KIF13A: variants seen among roughly 807,000 people sequenced by gnomAD.
The protein encoded by KIF13A is kinesin family member 13A.
KIF13A carries 79 observed loss-of-function variants against 212.2 expected under a neutral mutation model. That is an observed-to-expected ratio of 0.37 (90% CI 0.31 to 0.45). The LOEUF is 0.45. Among genes scored for constraint, KIF13A ranks in the 20% least tolerant of loss-of-function variants. The pLI, the probability that KIF13A is intolerant of heterozygous loss-of-function variation, is 1.00. For missense variants in KIF13A, 1,901 were observed against 2,209.0 expected, an observed-to-expected ratio of 0.86 and a Z score of 2.79; for synonymous variants, 789 against 808.6, an observed-to-expected ratio of 0.98 and a Z score of 0.41.
chr6:17,944,985 C>G (rs1013851650), intron 2 of KIF13A, among the ~76,000 whole-genome samples: 7 of 152,142 alleles, frequency 4.6e-5, no homozygotes, highest in Admixed American at 4.6e-4. Context: ...AAAATGACCA[C>G]TTCTAGGTTG....
intron 2 of KIF13A, among the ~76,000 whole-genome samples, chr6:17,977,813 A>G (rs1780719202): frequency 6.6e-6 from 1 of 152,226 alleles, no homozygotes; most frequent in Non-Finnish European, 1.5e-5. Context: ...TTAACTCGTC[A>G]TTTACATTAG....
chr6:17,981,533 CCT>C (rs1781092174), intron 2 of KIF13A, among the ~76,000 whole-genome samples: 1 of 151,514 alleles, frequency 6.6e-6, no homozygotes, highest in Non-Finnish European at 1.5e-5. Flanking sequence ...CAAGCATTCC[CCT>C]GCCTCAGCCT....
At chr6:17,896,953 C>G (rs1156278427) in intron 3 of KIF13A, among the ~76,000 whole-genome samples, 3 of 152,128 alleles carry the variant, frequency 2.0e-5, no homozygotes, top group African/African-American at 7.2e-5. Flanking sequence ...CCAGTAGAGA[C>G]CAGTTTTAGG....
intron 2 of KIF13A, among the ~76,000 whole-genome samples, chr6:17,946,985 T>C (rs1038401346): frequency 1.3e-5 from 2 of 152,202 alleles, no homozygotes; most frequent in African/African-American, 2.4e-5. Flanking sequence ...ACACTTAAAA[T>C]GGGTGAATTT....
At position 17,951,972 on chromosome 6, in the gene KIF13A, A is replaced by T. The variant is rs1777883893; in HGVS notation, c.146+35082T>A. Among the ~76,000 whole-genome samples, 1 of 152,182 alleles carries T rather than the reference A, an allele frequency of 6.6e-6. No individual in the cohort carries two copies. Among genetic ancestry groups the T allele is most frequent in the African/African-American group, 2.4e-5 (1 of 41,444 alleles). On this transcript the variant is annotated intron_variant, in intron 2 of 38. Transcript: ENST00000259711. The surrounding 1 kb of genome is among the most constrained non-coding windows in gnomAD (Gnocchi z 4.9). ...AAGCAATTTGGCAATTTATATTTAC[A>T]ATTTAAATGCTCATAGTCTTTTCCT...
chr6:17,794,768 T>A lies in KIF13A; in HGVS notation c.2943-64A>T. ...CCAGGGATACTGTTAGTAATAGTAATAAGCCACCATTCACTGAGCACTTAC... is the reference window on the plus strand; with the variant it reads ...CCAGGGATACTGTTAGTAATAGTAAAAAGCCACCATTCACTGAGCACTTAC... On this transcript the variant is annotated intron_variant, in intron 23 of 38. Coordinates refer to ENST00000259711, the MANE Select transcript of KIF13A (RefSeq NM_022113.6). The surrounding 1 kb of genome is among the most constrained non-coding windows in gnomAD (Gnocchi z 4.1). The A allele has an allele frequency of 6.6e-7, 1 of 1,517,148 alleles. No individual in the cohort carries two copies. 94.0% of individuals were successfully genotyped at this position (1,517,148 alleles called of 1,614,324 possible).
At chr6:17,854,437 C>T (rs768660962) in intron 6 of KIF13A, among the ~76,000 whole-genome samples, 17 of 151,722 alleles carry the variant, frequency 1.1e-4, no homozygotes, top group Non-Finnish European at 1.9e-4. Context: ...TACACCTGGC[C>T]TTAGTGATTA....
chr6:17,803,083 G>A (rs1404249768), intron 20 of KIF13A, among the ~76,000 whole-genome samples: 3 of 151,924 alleles, frequency 2.0e-5, no homozygotes, highest in East Asian at 1.9e-4. Flanking sequence ...ACAGGTGCCC[G>A]CCACTAAGCC....
chr6:17,958,883 T>C (rs919450576), intron 2 of KIF13A, among the ~76,000 whole-genome samples: 131 of 119,206 alleles, frequency 1.1e-3, no homozygotes, highest in Middle Eastern at 4.5e-3. Flanking sequence ...TTTCTTTTTT[T>C]TTTTTTTTTT....
chr6:17,846,593 C>A (rs10949468), intron 9 of KIF13A, among the ~76,000 whole-genome samples: 58,785 of 134,342 alleles, frequency 0.44, 12,823 homozygotes, highest in Admixed American at 0.54. Context: ...CATAGCGAGA[C>A]CCCATTTCTT....
chr6:17,769,886 C>T lies in KIF13A; in HGVS notation c.4581+1228G>A, dbSNP rs1441316037. ...AGGAGCAGCTATTAATGTGCGGATT[C>T]TTCTCCATCAGGAACTAGGACAGGG... On this transcript the variant is annotated intron_variant, in intron 38 of 38. Coordinates refer to ENST00000259711, the MANE Select transcript of KIF13A (RefSeq NM_022113.6). The surrounding 1 kb of genome is among the most constrained non-coding windows in gnomAD (Gnocchi z 5.8). 1.3e-5 allele frequency among the ~76,000 whole-genome samples: 2 copies of T among 152,116 alleles called. No individual in the cohort carries two copies. The highest frequency in any genetic ancestry group is 1.3e-4 in the Admixed American group (2 of 15,268).
At position 17,971,317 on chromosome 6, in the gene KIF13A, T is replaced by C. The variant is rs899143181; in HGVS notation, c.146+15737A>G. On this transcript the variant is annotated intron_variant, in intron 2 of 38. Transcript: ENST00000259711. The surrounding 1 kb of genome is among the most constrained non-coding windows in gnomAD (Gnocchi z 4.2). Reference sequence around the variant, plus strand: ...AATTAATGTGATCACTTCACAAAATTAAATGTATCCAAGTTTTAAATTCTG... The same window carrying C: ...AATTAATGTGATCACTTCACAAAATCAAATGTATCCAAGTTTTAAATTCTG... 1.3e-5 allele frequency among the ~76,000 whole-genome samples: 2 copies of C among 152,208 alleles called. No individual in the cohort carries two copies. The highest frequency in any genetic ancestry group is 4.8e-5 in the African/African-American group (2 of 41,460).
At chr6:17,762,983 T>C (rs1758655495), downstream of KIF13A, among the ~76,000 whole-genome samples, 2 of 152,226 alleles carry the variant, frequency 1.3e-5, no homozygotes, top group Admixed American at 1.3e-4. Flanking sequence ...CCAAGCCTCT[T>C]TCTAGCTCTG....
intron 2 of KIF13A, among the ~76,000 whole-genome samples, chr6:17,970,284 A>G (rs1779699849): frequency 6.6e-6 from 1 of 152,120 alleles, no homozygotes; most frequent in Admixed American, 6.5e-5. Context: ...CCATTTATTC[A>G]ATTTAAGTTT....
rs758221996 is a variant in KIF13A, at chr6:17,773,720, A to G, written c.4219-137T>C. On this transcript the variant is annotated intron_variant, in intron 35 of 38. Coordinates refer to ENST00000259711, the MANE Select transcript of KIF13A (RefSeq NM_022113.6). This position sits in a 1 kb window ranked among gnomAD's most constrained non-coding sequence, Gnocchi z 4.2. ...ATTTTTATTATGATTTATTTCAAAT[A>G]TACAGAAAGGGCTGAATATCGTAAA... is the stretch of plus-strand genomic sequence containing the variant. 4.8e-5 allele frequency: 24 copies of G among 497,988 alleles called. No individual in the cohort carries two copies. The highest frequency in any genetic ancestry group is 7.1e-5 in the Non-Finnish European group (20 of 281,276). 30.8% of individuals were successfully genotyped at this position (497,988 alleles called of 1,614,324 possible).
Position 17,799,252 on chromosome 6 carries a change from A to C in KIF13A, c.2790+14T>G, listed in dbSNP as rs767703178. On this transcript the variant is annotated intron_variant, in intron 22 of 38. Coordinates refer to ENST00000259711, the MANE Select transcript of KIF13A (RefSeq NM_022113.6). The surrounding 1 kb of genome is among the most constrained non-coding windows in gnomAD (Gnocchi z 4.4). The stretch of plus-strand genomic sequence containing the variant: ...CTGCTTCCTACACAGCTCATTTGGT[A>C]ATGGCATTTGTACCTTACAGTGGGA... 1 of 1,542,658 alleles carries C rather than the reference A, an allele frequency of 6.5e-7. No individual in the cohort carries two copies. The highest frequency in any genetic ancestry group is 8.8e-7 in the Non-Finnish European group (1 of 1,141,016).
intron 9 of KIF13A, among the ~76,000 whole-genome samples, chr6:17,847,641 C>A (rs1468377509): frequency 2.0e-5 from 3 of 152,086 alleles, no homozygotes; most frequent in Non-Finnish European, 2.9e-5. Flanking sequence ...ATTACAAGTA[C>A]ACACTAAACT....
chr6:17,917,942 C>T (rs1162627384), intron 2 of KIF13A, among the ~76,000 whole-genome samples: 1 of 152,080 alleles, frequency 6.6e-6, no homozygotes, highest in South Asian at 2.1e-4. Context: ...GCCCCCTCTG[C>T]CAGGAATACC....
At chr6:17,797,756 G>A (rs181016430) in intron 22 of KIF13A, among the ~76,000 whole-genome samples, 1 of 152,188 alleles carries the variant, frequency 6.6e-6, no homozygotes, top group East Asian at 1.9e-4. Flanking sequence ...AAACTAGCCG[G>A]GTGTGGTGGT....
Sources: gnomAD v4.1 joint callset for allele counts (sites outside exome capture counted in the v4.1 genomes callset) on GRCh38, gnomAD v4.1.1 for gene constraint, Gnocchi (gnomAD v3.1) non-coding constraint, MANE v1.5 for transcripts, NCBI Gene and HGNC (gene_info 2026-07-23, HGNC 2026-07-21) for gene names.